The following PTP4A2 variants were observed in gnomAD, a reference collection of about 807,000 sequenced individuals.
PTP4A2 encodes the protein protein tyrosine phosphatase 4A2.
Under a neutral mutation model 22.9 loss-of-function variants are expected in PTP4A2, and 2 were observed. That is an observed-to-expected ratio of 0.09 (90% CI 0.04 to 0.27). The LOEUF is 0.27. PTP4A2 is among the 10% of genes least tolerant of loss of function. The pLI, the probability that PTP4A2 is intolerant of heterozygous loss-of-function variation, is 1.00. For synonymous variants in PTP4A2, 68 were observed against 69.1 expected, an observed-to-expected ratio of 0.98 and a Z score of 0.08; for missense variants, 103 against 205.1, an observed-to-expected ratio of 0.50 and a Z score of 3.04.
intron 2 of PTP4A2, among the ~76,000 whole-genome samples, chr1:31,918,153 G>A (rs1288604582): frequency 2.0e-5 from 3 of 151,928 alleles, no homozygotes. Context: ...GGAGGCTGAG[G>A]CAGGAGAATG....
At chr1:31,923,231 G>A (rs1234272185) in intron 1 of PTP4A2, among the ~76,000 whole-genome samples, 1 of 151,552 alleles carries the variant, frequency 6.6e-6, no homozygotes, top group African/African-American at 2.4e-5. Flanking sequence ...TTCAGAGACA[G>A]GGTCTTGCTC....
At chr1:31,918,488 C>A (rs1035162162) in intron 2 of PTP4A2, among the ~76,000 whole-genome samples, 6 of 152,182 alleles carry the variant, frequency 3.9e-5, no homozygotes, top group African/African-American at 1.2e-4. Flanking sequence ...TAGTGTCAGA[C>A]ACCTAGGCAA....
chr1:31,931,136 C>T (rs1652708285), intron 1 of PTP4A2: 1 of 152,200 alleles, frequency 6.6e-6, no homozygotes, highest in Non-Finnish European at 1.5e-5. Context: ...TATCCAGGAT[C>T]AAGCTCCTAG....
chr1:31,910,031 T>C lies in PTP4A2; in HGVS notation c.395+7A>G, dbSNP rs753151051. On this transcript the variant is annotated splice_region_variant and intron_variant, in intron 5 of 5. Transcript: ENST00000647444. ...TGTGTTTCTGAACACAAAAACTTCA[T>C]ACTCACTGTCTTATAAACTGAACTG... is the stretch of plus-strand genomic sequence containing the variant. 2 of 1,604,016 alleles carry C rather than the reference T, an allele frequency of 1.2e-6. No individual in the cohort carries two copies. The highest frequency in any genetic ancestry group is 1.7e-5 in the Admixed American group (1 of 59,920).
intron 1 of PTP4A2, among the ~76,000 whole-genome samples, chr1:31,924,800 T>C (rs1244876643): frequency 1.3e-5 from 2 of 152,182 alleles, no homozygotes; most frequent in Non-Finnish European, 2.9e-5. Context: ...TAGGCAACAT[T>C]TCCATTTTTA....
rs878866215 is a variant in PTP4A2 at position 31,911,800 on chromosome 1, T to G, written c.216A>C (p.Pro72=). 3 of 1,579,710 alleles carry G rather than the reference T, an allele frequency of 1.9e-6. No homozygotes were observed. In the South Asian group the frequency reaches 3.5e-5, roughly 19 times the overall value. ...AATCATCTACTATCTGATTAGGGGGTGGAGCTCCATCATCAAATGGCCAAT... is the reference window on the plus strand; with the variant it reads ...AATCATCTACTATCTGATTAGGGGGGGGAGCTCCATCATCAAATGGCCAAT... ...VLDWPFDDGA[P]PPNQIVDDWL... Residue 72 remains proline (P), a synonymous_variant, in exon 4 of 6, where the codon CCA becomes CCC. Transcript: ENST00000647444.
chr1:31,930,322 A>C (rs532402), intron 1 of PTP4A2, among the ~76,000 whole-genome samples: 3 of 152,144 alleles, frequency 2.0e-5, no homozygotes, highest in African/African-American at 7.2e-5. Flanking sequence ...CCTGGGCGAC[A>C]GTGAGACTCC....
chr1:31,920,126 C>CAAAAA (rs772173962), intron 1 of PTP4A2, among the ~76,000 whole-genome samples: 1 of 43,182 alleles, frequency 2.3e-5, no homozygotes, highest in Admixed American at 2.9e-4. Context: ...AACTCTGCCT[C>CAAAAA]AAAAAAAAAA....
intron 1 of PTP4A2, among the ~76,000 whole-genome samples, chr1:31,923,835 A>G (rs1029304379): frequency 3.9e-5 from 6 of 152,152 alleles, no homozygotes; most frequent in Non-Finnish European, 7.3e-5. Flanking sequence ...CCAGCCCCAC[A>G]TATTTTTCAA....
At chr1:31,909,538 G>A (rs1159192077) in intron 5 of PTP4A2, among the ~76,000 whole-genome samples, 2 of 152,078 alleles carry the variant, frequency 1.3e-5, no homozygotes, top group Admixed American at 6.6e-5. Flanking sequence ...TGGGCGTGGT[G>A]GTGCGTGCCT....
chr1:31,914,273 C>T, intron 3 of PTP4A2: 4 of 455,676 alleles, frequency 8.8e-6, no homozygotes, highest in Non-Finnish European at 1.8e-5. Flanking sequence ...CACCATGTTG[C>T]CCCACTAGTC....
At position 31,938,116 on chromosome 1, in the gene PTP4A2, A is replaced by C. The variant is rs1653031894; in HGVS notation, c.-723T>G. On this transcript the variant is annotated 5_prime_UTR_variant, in exon 1 of 6. Coordinates refer to ENST00000647444, the MANE Select transcript of PTP4A2 (RefSeq NM_080391.4). The surrounding 1 kb of genome is among the most constrained non-coding windows in gnomAD (Gnocchi z 4.4). Reference sequence around the variant, plus strand: ...GCGGCGGCGGCGACGACTCCCCCCCAGCCTCGGCGCGCGACACCCGGCCCG... The same window carrying C: ...GCGGCGGCGGCGACGACTCCCCCCCCGCCTCGGCGCGCGACACCCGGCCCG... The C allele has an allele frequency of 3.0e-5, 4 of 134,002 alleles. No homozygotes were observed. The highest frequency in any genetic ancestry group is 2.1e-4 in the South Asian group (1 of 4,662). The allele number at this position is 134,002 out of a possible 1,614,324, so 8.3% of individuals were successfully genotyped here.
In PTP4A2 at chr1:31,907,662, A is replaced by G. The variant is rs1651252091; in HGVS notation, c.*1190T>C. The G allele has an allele frequency of 6.6e-6, 1 of 152,086 alleles. No individual in the cohort carries two copies. The highest frequency in any genetic ancestry group is 2.4e-5 in the African/African-American group (1 of 41,404). 9.4% of individuals were successfully genotyped at this position (152,086 alleles called of 1,614,324 possible). A position where few individuals can be genotyped will look rare whatever the true frequency, so the allele number is the denominator to read the frequency against. ...GGGGGCAGTTTGGAAAACACATACC[A>G]CAAGCATTTCTCAAGTCGAAAATAT... On this transcript the variant is annotated 3_prime_UTR_variant, in exon 6 of 6. Transcript: ENST00000647444.
At chr1:31,935,746 T>C (rs1309555062) in intron 1 of PTP4A2, 1 of 152,184 alleles carries the variant, frequency 6.6e-6, no homozygotes, top group Non-Finnish European at 1.5e-5. Flanking sequence ...TAAATGAATA[T>C]AAAAAGCACC....
intron 1 of PTP4A2, among the ~76,000 whole-genome samples, chr1:31,925,524 T>C (rs1340477160): frequency 6.7e-6 from 1 of 149,430 alleles, no homozygotes; most frequent in Admixed American, 6.7e-5. Context: ...GGAGGCCGAG[T>C]TGGGCAGATC....
intron 3 of PTP4A2, among the ~76,000 whole-genome samples, chr1:31,912,436 A>G (rs1651587258): frequency 6.6e-6 from 1 of 152,210 alleles, no homozygotes; most frequent in African/African-American, 2.4e-5. Flanking sequence ...ATATGTCCCC[A>G]TTTAACAAGG....
rs888233645 is a variant in PTP4A2 at position 31,907,188 on chromosome 1, G to A, written c.*1664C>T. The A allele has an allele frequency of 6.6e-6, 1 of 152,204 alleles. No homozygotes were observed. The highest frequency in any genetic ancestry group is 1.5e-5 in the Non-Finnish European group (1 of 68,058). The allele number at this position is 152,204 out of a possible 1,614,324, so 9.4% of individuals were successfully genotyped here. Reference sequence around the variant, plus strand: ...TTGGCCTAGCTGACGCTAACAAAATGGGAGGCTTATGGCTCTGCACAGCAA... The same window carrying A: ...TTGGCCTAGCTGACGCTAACAAAATAGGAGGCTTATGGCTCTGCACAGCAA... On this transcript the variant is annotated 3_prime_UTR_variant, in exon 6 of 6. Coordinates refer to ENST00000647444, the MANE Select transcript of PTP4A2 (RefSeq NM_080391.4).
rs574221266 is a variant in PTP4A2 at position 31,907,212 on chromosome 1, A to G, written c.*1640T>C. The stretch of plus-strand genomic sequence containing the variant: ...TGGGAGGCTTATGGCTCTGCACAGC[A>G]AATTCCAGCAGGACAAGATGACTTT... On this transcript the variant is annotated 3_prime_UTR_variant, in exon 6 of 6. Coordinates refer to ENST00000647444, the MANE Select transcript of PTP4A2 (RefSeq NM_080391.4). The G allele has an allele frequency of 6.6e-6, 1 of 152,372 alleles. No homozygotes were observed. Among genetic ancestry groups the G allele is most frequent in the African/African-American group, 2.4e-5 (1 of 41,570 alleles). The allele number at this position is 152,372 out of a possible 1,614,324, so 9.4% of individuals were successfully genotyped here. A position where few individuals can be genotyped will look rare whatever the true frequency, so the allele number is the denominator to read the frequency against.
rs1311455728 is a variant in PTP4A2 at position 31,923,929 on chromosome 1, G to T, written c.-593-4271C>A. 7 of 152,268 alleles carry T rather than the reference G, an allele frequency of 4.6e-5. No homozygotes were observed. The East Asian group carries it at 1.2e-3, about 25-fold the overall frequency. The allele number at this position is 152,268 out of a possible 1,614,324, so 9.4% of individuals were successfully genotyped here. A position where few individuals can be genotyped will look rare whatever the true frequency, so the allele number is the denominator to read the frequency against. On this transcript the variant is annotated intron_variant, in intron 1 of 5. Coordinates refer to ENST00000647444, the MANE Select transcript of PTP4A2 (RefSeq NM_080391.4). ...TCCAACTCTGCGACCTTAAAATAAG[G>T]TGGGAGACTGGGTGGAGTTTATTAA...
Sources: allele counts gnomAD v4.1 joint callset (sites outside exome capture counted in the v4.1 genomes callset), GRCh38; gene constraint gnomAD v4.1.1; non-coding constraint Gnocchi (gnomAD v3.1); transcripts MANE v1.5; gene names NCBI Gene and HGNC (gene_info 2026-07-23, HGNC 2026-07-21).